The following ADCY8 variants were observed in gnomAD, a reference collection of about 807,000 sequenced individuals.
ADCY8 encodes adenylate cyclase type 8.
ADCY8 carries 51 observed loss-of-function variants against 119.7 expected under a neutral mutation model. That is an observed-to-expected ratio of 0.43 (90% CI 0.34 to 0.54). The LOEUF is 0.54. Among genes scored for constraint, ADCY8 ranks in the 20% least tolerant of loss-of-function variants. The pLI is 0.03. For missense variants in ADCY8, 1,383 were observed against 1,598.8 expected (o/e 0.87, Z 2.30); for synonymous variants, 665 against 651.0 (o/e 1.02, Z -0.33).
At position 130,981,402 on chromosome 8, in the gene ADCY8, T is replaced by C. The variant is rs188766538; in HGVS notation, c.1110+8991A>G. ...TCCTGCTCTATTTTACTGCCACTCT[T>C]GAAAAGTGCCTTCAACTGTATCAAG... is the stretch of plus-strand genomic sequence containing the variant. On this transcript the variant is annotated intron_variant, in intron 2 of 17. Transcript: ENST00000286355. Among the ~76,000 whole-genome samples, 99 of 152,336 alleles carry C rather than the reference T, an allele frequency of 6.5e-4. 3 individuals are homozygous for C. In the East Asian group the frequency reaches 0.018, roughly 28 times the overall value.
At chr8:130,955,957 C>T (rs1821413196) in intron 2 of ADCY8, among the ~76,000 whole-genome samples, 1 of 152,166 alleles carries the variant, frequency 6.6e-6, no homozygotes, top group Non-Finnish European at 1.5e-5. Context: ...CTAGCTTGGG[C>T]AACATGTCAA....
chr8:130,874,122 A>C (rs1024021878), intron 8 of ADCY8, among the ~76,000 whole-genome samples: 3 of 152,006 alleles, frequency 2.0e-5, no homozygotes, highest in Admixed American at 2.0e-4. Flanking sequence ...ATCCTGGCCA[A>C]CATGGTGAAA....
chr8:130,875,351 A>G (rs1408184186), intron 8 of ADCY8, among the ~76,000 whole-genome samples: 3 of 152,220 alleles, frequency 2.0e-5, no homozygotes, highest in Non-Finnish European at 4.4e-5. Context: ...GCCTGATGCT[A>G]TAACAGAATA....
intron 13 of ADCY8, among the ~76,000 whole-genome samples, chr8:130,817,255 C>T (rs1244371841): frequency 6.6e-6 from 1 of 152,152 alleles, no homozygotes; most frequent in Non-Finnish European, 1.5e-5. Flanking sequence ...GAAGTTAAGT[C>T]AAAAGCTTGT....
rs577325969 is a variant in ADCY8, at chr8:130,948,960, C to A, written c.1241+2908G>T. Among the ~76,000 whole-genome samples, 13 of 152,266 alleles carry A rather than the reference C, an allele frequency of 8.5e-5. No individual in the cohort carries two copies. The East Asian group carries it at 2.5e-3, about 29-fold the overall frequency. On this transcript the variant is annotated intron_variant, in intron 3 of 17. Coordinates refer to ENST00000286355, the MANE Select transcript of ADCY8 (RefSeq NM_001115.3). ...CCCCGGAGCCGCGGGCATCTCACCACGCTGCTCTGAGAATAGCCCGGGAGC... is the reference window on the plus strand; with the variant it reads ...CCCCGGAGCCGCGGGCATCTCACCAAGCTGCTCTGAGAATAGCCCGGGAGC...
intron 1 of ADCY8, among the ~76,000 whole-genome samples, chr8:131,031,284 T>A (rs992558950): frequency 2.0e-5 from 3 of 152,216 alleles, no homozygotes; most frequent in African/African-American, 7.2e-5. Context: ...GTTATCAAAC[T>A]TTACCTTTTT....
intron 1 of ADCY8, among the ~76,000 whole-genome samples, chr8:130,999,199 T>C (rs1351185986): frequency 1.3e-5 from 2 of 152,164 alleles, no homozygotes; most frequent in African/African-American, 4.8e-5. Flanking sequence ...CACAATAACA[T>C]GAGTGAATTC....
At chr8:130,850,532 G>T (rs1307447678) in intron 9 of ADCY8, among the ~76,000 whole-genome samples, 1 of 151,976 alleles carries the variant, frequency 6.6e-6, no homozygotes, top group Non-Finnish European at 1.5e-5. Flanking sequence ...TTCTCCTTGG[G>T]AATTAATTCT....
chr8:130,836,433 C>G lies in ADCY8; in HGVS notation c.2519G>C (p.Gly840Ala). 1 of 1,613,520 alleles carries G rather than the reference C, an allele frequency of 6.2e-7. No homozygotes were observed. The highest frequency in any genetic ancestry group is 1.7e-4 in the Middle Eastern group (1 of 6,040). ...TGCACAGGTCACCATGGCCAACACC[C>G]CCGTGAAGACAAAGTACTGGAAACA... The part of the protein sequence containing the change: ...CSYPEYFVFT[G>A]VLAMVTCAVF... The change falls in exon 12 of 18, where the codon GGG becomes GCG. Residue 840 changes from glycine to alanine, a missense_variant. Physicochemically the swap from Gly to Ala is moderately conservative, Grantham distance 60 (BLOSUM62 0). Around this residue, in one of 2 missense-constraint regions of ADCY8, gnomAD observed 928 missense variants for 1,163.5 expected, o/e 0.80. Transcript: ENST00000286355.
chr8:130,854,975 T>C (rs1586486949), intron 9 of ADCY8, among the ~76,000 whole-genome samples: 1 of 145,710 alleles, frequency 6.9e-6, no homozygotes, highest in Admixed American at 7.0e-5. Flanking sequence ...CATCATCACA[T>C]GCAGACCAGA....
intron 7 of ADCY8, among the ~76,000 whole-genome samples, chr8:130,893,753 T>G (rs1819280181): frequency 6.6e-6 from 1 of 151,360 alleles, no homozygotes; most frequent in Non-Finnish European, 1.5e-5. Context: ...AGTTTATGTG[T>G]GTGTGCATGT....
At position 130,903,901 on chromosome 8, in the gene ADCY8, C is replaced by A. The variant is rs753193679; in HGVS notation, c.1782G>T (p.Leu594=). 16 of 1,614,176 alleles carry A rather than the reference C, an allele frequency of 9.9e-6. No homozygotes were observed. Among genetic ancestry groups the A allele is most frequent in the Non-Finnish European group, 1.4e-5 (16 of 1,180,030 alleles). The change falls in exon 7 of 18, where the codon CTG becomes CTT. Residue 594 remains leucine, a synonymous_variant. Coordinates refer to ENST00000286355, the MANE Select transcript of ADCY8 (RefSeq NM_001115.3). ...TYLIKQPEDS[L]LSLPEDIVKE... is the part of the protein sequence containing the mutation. ...TGACGATATCTTCAGGCAAGGACAG[C>A]AGACTGTCCTCAGGCTGCTTAATTA...
At chr8:130,916,603 C>G (rs190644704) in intron 5 of ADCY8, among the ~76,000 whole-genome samples, 185 of 152,320 alleles carry the variant, frequency 1.2e-3, no homozygotes, top group Non-Finnish European at 2.2e-3. Context: ...CCATAACGCA[C>G]AAGCTGGAAG....
intron 5 of ADCY8, among the ~76,000 whole-genome samples, chr8:130,925,831 T>C (rs1457447884): frequency 6.6e-6 from 1 of 152,220 alleles, no homozygotes; most frequent in East Asian, 1.9e-4. Context: ...CCATCCTTTC[T>C]ATTTCACAGC....
chr8:130,824,505 CT>C, intron 12 of ADCY8, among the ~76,000 whole-genome samples: 1 of 152,116 alleles, frequency 6.6e-6, no homozygotes, highest in Non-Finnish European at 1.5e-5. Flanking sequence ...CCTTAAGGTC[CT>C]AAAGGATAAA....
At chr8:131,022,312 C>A (rs976211562) in intron 1 of ADCY8, among the ~76,000 whole-genome samples, 7 of 152,100 alleles carry the variant, frequency 4.6e-5, no homozygotes, top group African/African-American at 1.4e-4. Flanking sequence ...GTGATGTTAC[C>A]CTCCCTGTGT....
intron 1 of ADCY8, among the ~76,000 whole-genome samples, chr8:131,031,977 T>C (rs1021707710): frequency 6.6e-6 from 1 of 152,194 alleles, no homozygotes; most frequent in African/African-American, 2.4e-5. Flanking sequence ...CAGCGTGTAA[T>C]CACACACACA....
intron 1 of ADCY8, among the ~76,000 whole-genome samples, chr8:130,996,662 A>G (rs1822786094): frequency 1.3e-5 from 2 of 152,154 alleles, no homozygotes; most frequent in African/African-American, 4.8e-5. Context: ...TAGTCACCTC[A>G]TATTATATGC....
At chr8:130,804,473 C>G (rs1315271343) in intron 14 of ADCY8, among the ~76,000 whole-genome samples, 1 of 152,158 alleles carries the variant, frequency 6.6e-6, no homozygotes, top group African/African-American at 2.4e-5. Flanking sequence ...ATTTTGAGAT[C>G]CTTGGGGTTA....
Sources: allele counts gnomAD v4.1 joint callset (sites outside exome capture counted in the v4.1 genomes callset), GRCh38; gene constraint gnomAD v4.1.1; regional missense constraint gnomAD v4.1.1; transcripts MANE v1.5; gene names NCBI Gene and HGNC (gene_info 2026-07-23, HGNC 2026-07-21).